PRKAG2: variants seen among roughly 807,000 people sequenced by gnomAD.
The protein encoded by PRKAG2 is 5'-AMP-activated protein kinase subunit gamma-2.
In PRKAG2, 26 loss-of-function variants were observed where a neutral mutation model predicts 69.6. The ratio of observed to expected loss-of-function variants is 0.37; its 90% CI spans 0.27 to 0.52. PRKAG2 has a LOEUF of 0.52. Among genes scored for constraint, PRKAG2 ranks in the 20% least tolerant of loss-of-function variants. The pLI is 0.90. For missense variants in PRKAG2, 557 were observed against 740.0 expected (o/e 0.75, Z 2.87); for synonymous variants, 293 against 285.0 (o/e 1.03, Z -0.28).
At chr7:151,654,265 T>C (rs1425327038) in intron 4 of PRKAG2, among the ~76,000 whole-genome samples, 1 of 152,200 alleles carries the variant, frequency 6.6e-6, no homozygotes, top group African/African-American at 2.4e-5. Context: ...GGACGAGGCT[T>C]GCAGCAAGCC....
Position 151,750,393 on chromosome 7 carries a change from T to C in PRKAG2, c.466+30759A>G, listed in dbSNP as rs549330589. ...GACTGAGTAAGCAGAATGGAGTCTA[T>C]TCTACAATGGAATATTATTCAGGCA... is the stretch of plus-strand genomic sequence containing the variant. On this transcript the variant is annotated intron_variant, in intron 3 of 15. Transcript: ENST00000287878. Among the ~76,000 whole-genome samples the C allele has an allele frequency of 2.0e-5, 3 of 152,344 alleles. No homozygotes were observed. The South Asian group carries it at 6.2e-4, about 32-fold the overall frequency.
chr7:151,625,185 C>A (rs1201291108), intron 5 of PRKAG2, among the ~76,000 whole-genome samples: 1 of 152,140 alleles, frequency 6.6e-6, no homozygotes, highest in African/African-American at 2.4e-5. Flanking sequence ...AAGTCTTCAT[C>A]GGGGCTTCTG....
chr7:151,606,495 T>A (rs1427634532), intron 5 of PRKAG2, among the ~76,000 whole-genome samples: 4 of 152,086 alleles, frequency 2.6e-5, no homozygotes, highest in African/African-American at 7.2e-5. Context: ...CCACCCAAAT[T>A]GTTCAACAAC....
chr7:151,723,057 C>T (rs1797371913), intron 3 of PRKAG2, among the ~76,000 whole-genome samples: 1 of 152,152 alleles, frequency 6.6e-6, no homozygotes, highest in South Asian at 2.1e-4. Flanking sequence ...AAATTCTATG[C>T]TAGTCACCAT....
At chr7:151,696,508 C>A (rs1014540021) in intron 3 of PRKAG2, among the ~76,000 whole-genome samples, 2 of 152,176 alleles carry the variant, frequency 1.3e-5, no homozygotes, top group African/African-American at 4.8e-5. Flanking sequence ...GCCGGCGCCT[C>A]AGCCCTGACG....
At chr7:151,840,747 G>A (rs1442796763) in intron 1 of PRKAG2, among the ~76,000 whole-genome samples, 1 of 152,376 alleles carries the variant, frequency 6.6e-6, no homozygotes, top group South Asian at 2.1e-4. Flanking sequence ...GCCCCAAGCC[G>A]GCCTGCTTCT....
At chr7:151,657,453 G>C (rs73481933) in intron 4 of PRKAG2, among the ~76,000 whole-genome samples, 3,605 of 152,268 alleles carry the variant, frequency 0.024, 155 homozygotes, top group African/African-American at 0.082. Context: ...AAATGCTGTT[G>C]TTGGTTTGGG....
rs138728939 is a variant in PRKAG2, at chr7:151,864,860, G to GC, written c.114+11646dup. 9.6e-3 allele frequency among the ~76,000 whole-genome samples: 1,456 copies of GC among 152,258 alleles called. 25 individuals are homozygous for GC. The highest frequency in any genetic ancestry group is 0.03 in the African/African-American group (1,252 of 41,538). ...CCCAGGACAAAGCAGTTTCCATACA[G>GC]CCGTGGTGCTTGAGCCAAACGGAGA... On this transcript the variant is annotated intron_variant, in intron 1 of 15. Coordinates refer to ENST00000287878, the MANE Select transcript of PRKAG2 (RefSeq NM_016203.4).
intron 1 of PRKAG2, among the ~76,000 whole-genome samples, chr7:151,795,883 AT>A (rs1563689749): frequency 6.9e-4 from 80 of 115,572 alleles, no homozygotes; most frequent in Middle Eastern, 4.3e-3. Context: ...ATATATATAT[AT>A]ATATATCACG....
At chr7:151,673,315 G>C (rs1180414720) in intron 4 of PRKAG2, among the ~76,000 whole-genome samples, 1 of 152,072 alleles carries the variant, frequency 6.6e-6, no homozygotes, top group East Asian at 1.9e-4. Flanking sequence ...TTTCTAGAAG[G>C]TTCTCCCTTC....
intron 4 of PRKAG2, chr7:151,674,847 A>AT (rs1464390756): frequency 1.2e-5 from 2 of 163,694 alleles, no homozygotes; most frequent in Non-Finnish European, 2.7e-5. Context: ...TCAATGAATG[A>AT]TTTTTAAGAA....
chr7:151,635,111 CA>C (rs1364711925), intron 4 of PRKAG2, among the ~76,000 whole-genome samples: 1 of 152,036 alleles, frequency 6.6e-6, no homozygotes, highest in Non-Finnish European at 1.5e-5. Context: ...TACCACAGGT[CA>C]GCTAATTTTT....
chr7:151,747,918 CTTTTTTTTT>C (rs34915377), intron 3 of PRKAG2, among the ~76,000 whole-genome samples: 2 of 114,238 alleles, frequency 1.8e-5, no homozygotes, highest in Middle Eastern at 4.6e-3. Flanking sequence ...AAAAAACTTA[CTTTTTTTTT>C]TTTTTTTTTT....
intron 4 of PRKAG2, among the ~76,000 whole-genome samples, chr7:151,664,604 G>A (rs1048253549): frequency 2.6e-5 from 4 of 152,182 alleles, no homozygotes; most frequent in African/African-American, 4.8e-5. Flanking sequence ...ATTGGTGACA[G>A]TTTTATCATG....
chr7:151,809,086 G>A (rs528325106), intron 1 of PRKAG2, among the ~76,000 whole-genome samples: 2 of 152,210 alleles, frequency 1.3e-5, no homozygotes, highest in Non-Finnish European at 2.9e-5. Flanking sequence ...AGTATGGGGT[G>A]ACTCAGAGGG....
chr7:151,625,899 A>G (rs1366154721), intron 5 of PRKAG2, among the ~76,000 whole-genome samples: 1 of 152,230 alleles, frequency 6.6e-6, no homozygotes, highest in African/African-American at 2.4e-5. Context: ...CAGGGCAGCG[A>G]GAAGCCCATA....
chr7:151,870,565 C>T (rs1219014190), intron 1 of PRKAG2, among the ~76,000 whole-genome samples: 2 of 152,248 alleles, frequency 1.3e-5, no homozygotes, highest in African/African-American at 4.8e-5. Flanking sequence ...TTTGCGGAGG[C>T]TTCCATCCGG....
At chr7:151,593,578 C>G (rs73727866) in intron 6 of PRKAG2, among the ~76,000 whole-genome samples, 7,383 of 151,710 alleles carry the variant, frequency 0.049, 584 homozygotes, top group African/African-American at 0.17. Flanking sequence ...GGGGGATGGG[C>G]GTGAGGCTGA....
chr7:151,613,248 T>C (rs1334198004), intron 5 of PRKAG2, among the ~76,000 whole-genome samples: 1 of 152,212 alleles, frequency 6.6e-6, no homozygotes, highest in Non-Finnish European at 1.5e-5. Context: ...GGCATGAACA[T>C]GTTTTCCAAA....
Sources: allele counts gnomAD v4.1 joint callset (sites outside exome capture counted in the v4.1 genomes callset), GRCh38; gene constraint gnomAD v4.1.1; transcripts MANE v1.5; gene names NCBI Gene and HGNC (gene_info 2026-07-23, HGNC 2026-07-21).